Variants in ZNF213 observed in about 807,000 individuals in gnomAD.
The protein encoded by ZNF213 is zinc finger protein 213, also known as putative transcription factor CR53.
In ZNF213, 32 loss-of-function variants were observed where a neutral mutation model predicts 46.0. The observed-to-expected ratio is 0.70, with a 90% confidence interval of 0.52 to 0.93. The LOEUF (loss-of-function observed/expected upper bound fraction) is 0.93. Ranked by LOEUF, ZNF213 falls within the 40% of genes least tolerant of loss-of-function variation. The probability of loss-of-function intolerance (pLI) is 0.00; values close to 1 mark genes in which losing one functional copy is unlikely to be tolerated. For synonymous variants in ZNF213, 297 were observed against 271.0 expected (o/e 1.10, Z -0.94); for missense variants, 639 against 652.8 (o/e 0.98, Z 0.23).
Position 3,137,550 on chromosome 16 carries a change from G to A in ZNF213, c.270G>A (p.Leu90=), listed in dbSNP as rs1957554349. ...TKEQILELLV[L]EQFLTVLPGE... is the part of the protein sequence containing the mutation. ...AGCAGATCCTGGAGCTGCTGGTGCT[G>A]GAGCAGTTCCTGACAGTGCTGCCAG... Residue 90 remains leucine, a synonymous_variant, in exon 2 of 6, where the codon CTG becomes CTA. Transcript: ENST00000396878. 3 of 1,614,090 alleles carry A rather than the reference G, an allele frequency of 1.9e-6. No homozygotes were observed. Among genetic ancestry groups the A allele is most frequent in the East Asian group, 2.2e-5 (1 of 44,886 alleles).
In ZNF213 at chr16:3,141,605, A is replaced by C. The variant is rs1957605420; in HGVS notation, c.*258A>C. On this transcript the variant is annotated 3_prime_UTR_variant, in exon 6 of 6. Coordinates refer to ENST00000396878, the MANE Select transcript of ZNF213 (RefSeq NM_004220.3). ...GCGCCTAGCGTTCCTCTTCCCCTCT[A>C]GTTTCCTGGAGCCCCAACACATTCC... 3 of 473,082 alleles carry C rather than the reference A, an allele frequency of 6.3e-6. No individual in the cohort carries two copies. The highest frequency in any genetic ancestry group is 1.1e-5 in the Non-Finnish European group (3 of 270,602). The allele number at this position is 473,082 out of a possible 1,614,324, so 29.3% of individuals were successfully genotyped here.
intron 2 of ZNF213, chr16:3,137,914 T>A: frequency 1.7e-6 from 1 of 596,850 alleles, no homozygotes; most frequent in Non-Finnish European, 2.9e-6. Context: ...GAAGTGCGAA[T>A]GTTCCAGACA....
intron 1 of ZNF213, among the ~76,000 whole-genome samples, chr16:3,135,933 G>A (rs1307460007): frequency 2.7e-5 from 4 of 150,612 alleles, no homozygotes; most frequent in Non-Finnish European, 5.9e-5. Context: ...CAAACTCCTG[G>A]ACTCAAGCAA....
Position 3,137,415 on chromosome 16 carries a change from C to T in ZNF213, c.135C>T (p.Arg45=). 1 of 1,613,968 alleles carries T rather than the reference C, an allele frequency of 6.2e-7. No homozygotes were observed. Among genetic ancestry groups the T allele is most frequent in the African/African-American group, 1.3e-5 (1 of 75,058 alleles). ...ATGGCAGGGATTCCGAAGCCTGCCG[C>T]CAGCGCTTCCGGCAATTCTGCTACG... is the stretch of plus-strand genomic sequence containing the variant. ...HEDGRDSEAC[R]QRFRQFCYGD... The change falls in exon 2 of 6, where the codon CGC becomes CGT. Residue 45 remains arginine (R), a synonymous_variant. Coordinates refer to ENST00000396878, the MANE Select transcript of ZNF213 (RefSeq NM_004220.3).
chr16:3,141,788 AGGACT>A lies in ZNF213; in HGVS notation c.*444_*448del, dbSNP rs1957606864. On this transcript the variant is annotated 3_prime_UTR_variant, in exon 6 of 6. Coordinates refer to ENST00000396878, the MANE Select transcript of ZNF213 (RefSeq NM_004220.3). ...AACCTGTGCCTTTCAGTGGGCGTGG[AGGACT>A]GGCCTTGGCCCCCCAGGGGGCTGCT... is the stretch of plus-strand genomic sequence containing the variant. The A allele has an allele frequency of 5.9e-6, 1 of 169,050 alleles. No individual in the cohort carries two copies. The highest frequency in any genetic ancestry group is 1.3e-5 in the Non-Finnish European group (1 of 79,708). 10.5% of individuals were successfully genotyped at this position (169,050 alleles called of 1,614,324 possible). A position where few individuals can be genotyped will look rare whatever the true frequency, so the allele number is the denominator to read the frequency against.
At position 3,135,029 on chromosome 16, in the gene ZNF213, G is replaced by T. The variant is rs1467140024; in HGVS notation, c.-474G>T. The T allele has an allele frequency of 6.6e-6, 1 of 151,320 alleles. No homozygotes were observed. Among genetic ancestry groups the T allele is most frequent in the Non-Finnish European group, 1.5e-5 (1 of 67,676 alleles). The allele number at this position is 151,320 out of a possible 1,614,324, so 9.4% of individuals were successfully genotyped here. A position where few individuals can be genotyped will look rare whatever the true frequency, so the allele number is the denominator to read the frequency against. On this transcript the variant is annotated 5_prime_UTR_variant, in exon 1 of 6. Transcript: ENST00000396878. ...AGCGTAGTTTCCCAGCGAGCCCCGC[G>T]AGGACTTCCGGCGCCGGGAGCTCGC... is the stretch of plus-strand genomic sequence containing the variant.
chr16:3,137,871 T>C (rs1957558989), intron 2 of ZNF213, 192 bp downstream of exon 2: 2 of 738,976 alleles, frequency 2.7e-6, no homozygotes, highest in Non-Finnish European at 4.3e-6. Flanking sequence ...ATGTGATTTA[T>C]TTTTTGTGGC....
rs1264484024 is a variant in ZNF213, at chr16:3,141,190, A to C, written c.1223A>C (p.Lys408Thr). The C allele has an allele frequency of 6.2e-7, 1 of 1,612,588 alleles. No individual in the cohort carries two copies. The highest frequency in any genetic ancestry group is 1.7e-5 in the Admixed American group (1 of 60,020). The change falls in exon 6 of 6, where the codon AAG becomes ACG. Residue 408 changes from lysine to threonine, a missense_variant. Transcript: ENST00000396878. ...CCTTTCGGCTGCAGCGACTGCGGCA[A>C]GAGCTTCTCGCTGCGCTCCTACCTG... ...EKPFGCSDCG[K>T]SFSLRSYLLD...
At chr16:3,138,591 T>G (rs1957568699) in intron 3 of ZNF213, 50 bp downstream of exon 3, 2 of 1,613,002 alleles carry the variant, frequency 1.2e-6, no homozygotes, top group Non-Finnish European at 1.7e-6. Flanking sequence ...GGCAGGGACC[T>G]AGCTTTGTCA....
In ZNF213 at chr16:3,137,434, T is replaced by C. The variant is rs959536471; in HGVS notation, c.154T>C (p.Cys52Arg). The C allele has an allele frequency of 2.5e-6, 4 of 1,613,902 alleles. No homozygotes were observed. Among genetic ancestry groups the C allele is most frequent in the Admixed American group, 1.7e-5 (1 of 60,006 alleles). Residue 52 changes from cysteine (C) to arginine (R), a missense_variant, in exon 2 of 6, where the codon TGC (cysteine) becomes CGC (arginine). Coordinates refer to ENST00000396878, the MANE Select transcript of ZNF213 (RefSeq NM_004220.3). ...CTGCCGCCAGCGCTTCCGGCAATTC[T>C]GCTACGGGGATGTGCATGGGCCTCA... ...EACRQRFRQF[C>R]YGDVHGPHEA...
rs1957554079 is a variant in ZNF213 at position 3,137,522 on chromosome 16, A to G, written c.242A>G (p.Lys81Arg). Residue 81 changes from lysine (K) to arginine (R), a missense_variant, in exon 2 of 6, where the codon AAG (lysine) becomes AGG (arginine). By Grantham distance (26) the Lys-to-Arg change is conservative. Coordinates refer to ENST00000396878, the MANE Select transcript of ZNF213 (RefSeq NM_004220.3). ...TGGCTGCGGCCCGAGCTGCGTACCA[A>G]GGAGCAGATCCTGGAGCTGCTGGTG... ...CRWLRPELRT[K>R]EQILELLVLE... 1 of 1,613,880 alleles carries G rather than the reference A, an allele frequency of 6.2e-7. No individual in the cohort carries two copies. The highest frequency in any genetic ancestry group is 1.1e-5 in the South Asian group (1 of 91,082).
intron 1 of ZNF213, among the ~76,000 whole-genome samples, chr16:3,136,618 G>A (rs1224740322): frequency 6.6e-6 from 1 of 151,924 alleles, no homozygotes; most frequent in Non-Finnish European, 1.5e-5. Flanking sequence ...TTGGGAGGCT[G>A]AAGCAGGAGA....
At position 3,138,768 on chromosome 16, in the gene ZNF213, G is replaced by A; in HGVS notation, c.547G>A (p.Glu183Lys). The change falls in exon 4 of 6, where the codon GAG becomes AAG. Residue 183 changes from glutamate (E) to lysine (K), a missense_variant. Glu to Lys is a moderately conservative substitution (Grantham distance 56). Transcript: ENST00000396878. ...HSAQPPALLKEGRPGETTDTC... is the reference protein window; with the variant it reads ...HSAQPPALLKKGRPGETTDTC... ...AGCCCAGCCTCCTGCTCTTCTTAAA[G>A]AGGGTCGTCCCGGAGAGACGACGGA... 6.2e-7 allele frequency: 1 copy of A among 1,614,114 alleles called. No homozygotes were observed. The highest frequency in any genetic ancestry group is 8.5e-7 in the Non-Finnish European group (1 of 1,180,002).
Position 3,137,191 on chromosome 16 carries a change from G to T in ZNF213, c.-90G>T. ...GAGTACACATCCAGATGCCAGCCCAGCTACCACAGGGGATCCCTCTGGGAG... is the reference window on the plus strand; with the variant it reads ...GAGTACACATCCAGATGCCAGCCCATCTACCACAGGGGATCCCTCTGGGAG... On this transcript the variant is annotated 5_prime_UTR_variant, in exon 2 of 6. Transcript: ENST00000396878. 1 of 1,491,108 alleles carries T rather than the reference G, an allele frequency of 6.7e-7. No homozygotes were observed. Among genetic ancestry groups the T allele is most frequent in the Non-Finnish European group, 8.9e-7 (1 of 1,120,694 alleles). The allele number at this position is 1,491,108 out of a possible 1,614,324, so 92.4% of individuals were successfully genotyped here. A position where few individuals can be genotyped will look rare whatever the true frequency, so the allele number is the denominator to read the frequency against.
chr16:3,137,597 G>T lies in ZNF213; in HGVS notation c.317G>T (p.Arg106Leu), dbSNP rs747985785. 1 of 1,614,040 alleles carries T rather than the reference G, an allele frequency of 6.2e-7. No individual in the cohort carries two copies. The highest frequency in any genetic ancestry group is 2.2e-5 in the East Asian group (1 of 44,874). ...VLPGEIQGWV[R>L]EQHPGSGEEA... ...CCAGGGGAGATCCAGGGCTGGGTGC[G>T]TGAGCAGCACCCGGGAAGCGGTGAG... The change falls in exon 2 of 6, where the codon CGT becomes CTT. Residue 106 changes from arginine to leucine, a missense_variant. Transcript: ENST00000396878.
intron 2 of ZNF213, 96 bp downstream of exon 2, chr16:3,137,775 G>A (rs910980993): frequency 2.1e-6 from 3 of 1,459,602 alleles, no homozygotes; most frequent in South Asian, 1.4e-5. Flanking sequence ...AGGCTCACAG[G>A]GTAGGGGAGA....
rs371164415 is a variant in ZNF213, at chr16:3,138,473, C to T, written c.455C>T (p.Thr152Met). 7 of 1,613,216 alleles carry T rather than the reference C, an allele frequency of 4.3e-6. No homozygotes were observed. The highest frequency in any genetic ancestry group is 5.9e-6 in the Non-Finnish European group (7 of 1,179,694). Residue 152 changes from threonine to methionine, a missense_variant, in exon 3 of 6, where the codon ACG becomes ATG. Coordinates refer to ENST00000396878, the MANE Select transcript of ZNF213 (RefSeq NM_004220.3). Reference sequence around the variant, plus strand: ...GCTGCAGGCCGGGGATCCCAGGCCACGGGGCCTCCCCCGACGGTGGGGGCA... The same window carrying T: ...GCTGCAGGCCGGGGATCCCAGGCCATGGGGCCTCCCCCGACGGTGGGGGCA... ...PEAAGRGSQA[T>M]GPPPTVGARR...
At position 3,138,725 on chromosome 16, in the gene ZNF213, G is replaced by T; in HGVS notation, c.524-20G>T. 1 of 1,613,992 alleles carries T rather than the reference G, an allele frequency of 6.2e-7. No homozygotes were observed. Among genetic ancestry groups the T allele is most frequent in the Non-Finnish European group, 8.5e-7 (1 of 1,179,996 alleles). On this transcript the variant is annotated intron_variant, in intron 3 of 5. Transcript: ENST00000396878. ...TCAAGCCTGGGCTGGCCTTTCTAAGGCTCCATTCTTCTCCTTCAGCCCAGC... is the reference window on the plus strand; with the variant it reads ...TCAAGCCTGGGCTGGCCTTTCTAAGTCTCCATTCTTCTCCTTCAGCCCAGC...
rs1957567844 is a variant in ZNF213, at chr16:3,138,554, C to T, written c.523+13C>T. 1 of 1,613,992 alleles carries T rather than the reference C, an allele frequency of 6.2e-7. No homozygotes were observed. The highest frequency in any genetic ancestry group is 8.5e-7 in the Non-Finnish European group (1 of 1,179,976). ...CACAGCCATAGCGGTGAGTAAGCCT[C>T]CGTTCTTGTGGACAGTCGAGTGGCT... On this transcript the variant is annotated intron_variant, in intron 3 of 5. Coordinates refer to ENST00000396878, the MANE Select transcript of ZNF213 (RefSeq NM_004220.3).
Sources: allele counts gnomAD v4.1 joint callset (sites outside exome capture counted in the v4.1 genomes callset), GRCh38; gene constraint gnomAD v4.1.1; transcripts MANE v1.5; gene names NCBI Gene and HGNC (gene_info 2026-07-23, HGNC 2026-07-21).